QTMAN: variants seen among roughly 807,000 people sequenced by gnomAD.
QTMAN encodes the protein tRNA-queuosine alpha-mannosyltransferase.
chr2:144,234,819 G>A, the QTMAN span, among the ~76,000 whole-genome samples: 1 of 152,182 alleles, frequency 6.6e-6, no homozygotes, highest in Non-Finnish European at 1.5e-5. Flanking sequence ...CACGATCTGT[G>A]TTGAGAAAGG....
At chr2:143,970,731 TA>T in the QTMAN span, 1 of 1,601,154 alleles carries the variant, frequency 6.2e-7, no homozygotes, top group Non-Finnish European at 8.6e-7. Flanking sequence ...ATTAATACCT[TA>T]AAAAAGCTTT....
the QTMAN span, among the ~76,000 whole-genome samples, chr2:144,264,107 A>G: frequency 6.6e-6 from 1 of 152,200 alleles, no homozygotes; most frequent in Non-Finnish European, 1.5e-5. Flanking sequence ...AAGCCTTCGT[A>G]CCTCATGTTT....
the QTMAN span, among the ~76,000 whole-genome samples, chr2:144,161,252 C>T: frequency 1.3e-5 from 2 of 151,608 alleles, no homozygotes; most frequent in African/African-American, 4.9e-5. Context: ...CATCAGATCA[C>T]TTGGACATCA....
chr2:144,293,892 T>C, the QTMAN span, among the ~76,000 whole-genome samples: 1 of 152,348 alleles, frequency 6.6e-6, no homozygotes, highest in South Asian at 2.1e-4. Flanking sequence ...AAGACTTTGC[T>C]ACCAAGTCCA....
At chr2:144,062,325 G>A in the QTMAN span, among the ~76,000 whole-genome samples, 6 of 152,302 alleles carry the variant, frequency 3.9e-5, no homozygotes, top group East Asian at 3.9e-4. Context: ...TACCCACAAA[G>A]AGGTCCAGGG....
the QTMAN span, among the ~76,000 whole-genome samples, chr2:144,287,918 G>A: frequency 1.9e-3 from 290 of 152,010 alleles, 1 homozygote; most frequent in African/African-American, 6.5e-3. Flanking sequence ...GCAGTGGTGC[G>A]ATCTCGGCTC....
the QTMAN span, among the ~76,000 whole-genome samples, chr2:144,078,371 A>G: frequency 6.6e-6 from 1 of 152,240 alleles, no homozygotes; most frequent in Non-Finnish European, 1.5e-5. Context: ...GAAGACAGAA[A>G]CATAAGAAAC....
chr2:144,067,193 T>C, the QTMAN span, among the ~76,000 whole-genome samples: 4 of 152,354 alleles, frequency 2.6e-5, no homozygotes, highest in Admixed American at 2.6e-4. Flanking sequence ...CTTGCCAAAA[T>C]GGCATGCTTA....
the QTMAN span, among the ~76,000 whole-genome samples, chr2:144,263,313 G>C: frequency 2.0e-5 from 3 of 151,968 alleles, no homozygotes; most frequent in Admixed American, 1.3e-4. Flanking sequence ...CACTGATATG[G>C]GTGACCTCTG....
the QTMAN span, among the ~76,000 whole-genome samples, chr2:144,088,872 G>C: frequency 9.1e-4 from 138 of 151,922 alleles, 1 homozygote; most frequent in Middle Eastern, 0.014. Flanking sequence ...AAAATATTAG[G>C]AGTAAGCCTA....
At chr2:143,984,858 G>A in the QTMAN span, among the ~76,000 whole-genome samples, 1 of 152,122 alleles carries the variant, frequency 6.6e-6, no homozygotes, top group South Asian at 2.1e-4. Context: ...TTCCCACTGA[G>A]AGCCACTTCC....
chr2:144,148,315 G>A, the QTMAN span, among the ~76,000 whole-genome samples: 1 of 151,594 alleles, frequency 6.6e-6, no homozygotes, highest in African/African-American at 2.4e-5. Context: ...TACAGAGAGA[G>A]AAAAATAAAA....
chr2:144,198,392 G>C, the QTMAN span, among the ~76,000 whole-genome samples: 1 of 152,118 alleles, frequency 6.6e-6, no homozygotes, highest in Non-Finnish European at 1.5e-5. Flanking sequence ...AAGTCCAAAG[G>C]CCACATGATA....
At chr2:144,084,633 T>A in the QTMAN span, among the ~76,000 whole-genome samples, 1 of 152,210 alleles carries the variant, frequency 6.6e-6, no homozygotes, top group African/African-American at 2.4e-5. Flanking sequence ...TTCACCTTTT[T>A]AATTGTTCTT....
the QTMAN span, among the ~76,000 whole-genome samples, chr2:144,074,978 G>A: frequency 5.9e-5 from 9 of 152,178 alleles, no homozygotes; most frequent in African/African-American, 1.9e-4. Context: ...ATGTTGCAAA[G>A]AGTGAAAAGC....
the QTMAN span, among the ~76,000 whole-genome samples, chr2:144,332,249 C>T: frequency 7.3e-5 from 11 of 151,582 alleles, 1 homozygote; most frequent in Middle Eastern, 0.01. Flanking sequence ...CCGGGAAGCG[C>T]GCGGCTCTCA....
the QTMAN span, among the ~76,000 whole-genome samples, chr2:144,060,770 G>A: frequency 6.6e-6 from 1 of 152,106 alleles, no homozygotes; most frequent in African/African-American, 2.4e-5. Flanking sequence ...TGAAAATTAA[G>A]CTTTCAAAAA....
the QTMAN span, among the ~76,000 whole-genome samples, chr2:144,331,862 G>T: frequency 6.6e-6 from 1 of 152,206 alleles, no homozygotes; most frequent in Non-Finnish European, 1.5e-5. Context: ...GGAGTGGGGC[G>T]CTGGGGAGGT....
the QTMAN span, among the ~76,000 whole-genome samples, chr2:144,119,956 T>C: frequency 6.6e-6 from 1 of 152,188 alleles, no homozygotes; most frequent in African/African-American, 2.4e-5. Context: ...GAAGTGGTAT[T>C]GAATAGTTTT....
Sources: gnomAD v4.1 joint callset for allele counts (sites outside exome capture counted in the v4.1 genomes callset) on GRCh38, gnomAD v4.1.1 for gene constraint, MANE v1.5 for transcripts, NCBI Gene and HGNC (gene_info 2026-07-23, HGNC 2026-07-21) for gene names.